KIF13A: variants seen among roughly 807,000 people sequenced by gnomAD.
KIF13A encodes the protein kinesin-like protein KIF13A.
A neutral mutation model predicts 212.2 loss-of-function variants in KIF13A; 79 were observed. The ratio of observed to expected loss-of-function variants is 0.37; its 90% CI spans 0.31 to 0.45. The LOEUF is 0.45. KIF13A is among the 20% of genes least tolerant of loss of function. The probability of loss-of-function intolerance (pLI) is 1.00; values close to 1 mark genes in which losing one functional copy is unlikely to be tolerated. For synonymous variants in KIF13A, 789 were observed against 808.6 expected, an observed-to-expected ratio of 0.98 and a Z score of 0.41; for missense variants, 1,901 against 2,209.0, an observed-to-expected ratio of 0.86 and a Z score of 2.79.
chr6:17,790,761 A>T (rs1049852365), intron 25 of KIF13A, among the ~76,000 whole-genome samples: 1 of 152,214 alleles, frequency 6.6e-6, no homozygotes, highest in Non-Finnish European at 1.5e-5. Context: ...GGGCAACCTC[A>T]GGCTATATAC....
chr6:17,855,856 G>A lies in KIF13A; in HGVS notation c.313+174C>T, dbSNP rs1030831106. Among the ~76,000 whole-genome samples the A allele has an allele frequency of 6.6e-6, 1 of 152,126 alleles. No homozygotes were observed. Among genetic ancestry groups the A allele is most frequent in the Non-Finnish European group, 1.5e-5 (1 of 68,028 alleles). ...AGTCTCCCAAGAAGCTGGGACTACA[G>A]GTGTGCCACCACGCTGGGCTAATGT... On this transcript the variant is annotated intron_variant, in intron 5 of 38. Coordinates refer to ENST00000259711, the MANE Select transcript of KIF13A (RefSeq NM_022113.6). The surrounding 1 kb of genome is among the most constrained non-coding windows in gnomAD (Gnocchi z 4.1).
chr6:17,925,239 A>G (rs1450279105), intron 2 of KIF13A, among the ~76,000 whole-genome samples: 1 of 152,238 alleles, frequency 6.6e-6, no homozygotes, highest in Non-Finnish European at 1.5e-5. Context: ...AAGTTAGAGC[A>G]AAGAGATTTG....
intron 2 of KIF13A, among the ~76,000 whole-genome samples, chr6:17,925,169 G>A (rs963924714): frequency 2.0e-5 from 3 of 152,186 alleles, no homozygotes; most frequent in Admixed American, 6.5e-5. Flanking sequence ...GAAACACTGA[G>A]GCAAGCGCAT....
chr6:17,836,831 C>T (rs778896845), intron 11 of KIF13A, 47 bp downstream of exon 11: 5 of 1,568,510 alleles, frequency 3.2e-6, no homozygotes, highest in Non-Finnish European at 4.4e-6. Context: ...AGTCAAATCC[C>T]GCAAGCCAGG....
rs141772729 is a variant in KIF13A, at chr6:17,975,524, A to G, written c.146+11530T>C. 3.0e-4 allele frequency among the ~76,000 whole-genome samples: 45 copies of G among 152,316 alleles called. 1 individual carries two copies. In the East Asian group the frequency reaches 8.1e-3, roughly 27 times the overall value. On this transcript the variant is annotated intron_variant, in intron 2 of 38. Transcript: ENST00000259711. ...GTAGGCCCAAAAAGGGAGCAGCAAC[A>G]TAATTCATTGCAAAGACCAAAAGAA...
At chr6:17,909,096 C>G (rs1188012941) in intron 2 of KIF13A, among the ~76,000 whole-genome samples, 1 of 152,202 alleles carries the variant, frequency 6.6e-6, no homozygotes, top group Non-Finnish European at 1.5e-5. Flanking sequence ...ATGTTAGATG[C>G]CATTGCTGTT....
chr6:17,766,315 C>T (rs1303107916), intron 38 of KIF13A, among the ~76,000 whole-genome samples: 2 of 151,236 alleles, frequency 1.3e-5, no homozygotes, highest in Admixed American at 6.6e-5. Context: ...TCTCGGCTCA[C>T]CGCAACCTCC....
intron 2 of KIF13A, among the ~76,000 whole-genome samples, chr6:17,905,874 T>G (rs1195595345): frequency 6.6e-6 from 1 of 152,166 alleles, no homozygotes; most frequent in East Asian, 1.9e-4. Context: ...AGGGATGAGG[T>G]TTTGCAGGAC....
In KIF13A at chr6:17,971,754, T is replaced by C. The variant is rs1340928200; in HGVS notation, c.146+15300A>G. Among the ~76,000 whole-genome samples, 1 of 152,166 alleles carries C rather than the reference T, an allele frequency of 6.6e-6. No individual in the cohort carries two copies. Among genetic ancestry groups the C allele is most frequent in the Admixed American group, 6.6e-5 (1 of 15,264 alleles). ...CTTGTTTTAGTGTGATTACTCGGCA[T>C]ATTTAAAAGAGGCTGGGAACTCTCT... On this transcript the variant is annotated intron_variant, in intron 2 of 38. Coordinates refer to ENST00000259711, the MANE Select transcript of KIF13A (RefSeq NM_022113.6). This position sits in a 1 kb window ranked among gnomAD's most constrained non-coding sequence, Gnocchi z 4.2.
At chr6:17,857,544 C>A (rs923873607) in intron 4 of KIF13A, among the ~76,000 whole-genome samples, 1 of 152,180 alleles carries the variant, frequency 6.6e-6, no homozygotes, top group African/African-American at 2.4e-5. Flanking sequence ...GTCAATTAAA[C>A]CTCCTTTCTT....
At chr6:17,766,599 G>C (rs759452414) in intron 38 of KIF13A, among the ~76,000 whole-genome samples, 9 of 151,918 alleles carry the variant, frequency 5.9e-5, no homozygotes, top group Non-Finnish European at 1.3e-4. Flanking sequence ...CTGTCACTCA[G>C]GTTGGTGTGC....
intron 6 of KIF13A, among the ~76,000 whole-genome samples, chr6:17,852,363 C>A (rs1285908808): frequency 6.6e-6 from 1 of 152,264 alleles, no homozygotes; most frequent in East Asian, 1.9e-4. Context: ...CATGCCAGAT[C>A]AAATCAACCT....
rs570906203 is a variant in KIF13A at position 17,776,157 on chromosome 6, C to T, written c.4171-1095G>A. On this transcript the variant is annotated intron_variant, in intron 34 of 38. Coordinates refer to ENST00000259711, the MANE Select transcript of KIF13A (RefSeq NM_022113.6). The surrounding 1 kb of genome is among the most constrained non-coding windows in gnomAD (Gnocchi z 4.6). Reference sequence around the variant, plus strand: ...CCTCCCAAAGTGCTGGGATTATAAGCGTGAGCCACCGTGCCCGATCTTCTT... The same window carrying T: ...CCTCCCAAAGTGCTGGGATTATAAGTGTGAGCCACCGTGCCCGATCTTCTT... Among the ~76,000 whole-genome samples, 148 of 152,302 alleles carry T rather than the reference C, an allele frequency of 9.7e-4. No individual in the cohort carries two copies. Among genetic ancestry groups the T allele is most frequent in the African/African-American group, 2.7e-3 (112 of 41,560 alleles).
In KIF13A at chr6:17,805,532, C is replaced by T. The variant is rs747452757; in HGVS notation, c.2247G>A (p.Glu749=). The T allele has an allele frequency of 5.0e-6, 8 of 1,613,662 alleles. No homozygotes were observed. The African/African-American group carries it at 6.7e-5, about 13-fold the overall frequency. The change falls in exon 19 of 39, where the codon GAG becomes GAA. Residue 749 remains glutamate (E), a synonymous_variant. Transcript: ENST00000259711. The stretch of plus-strand genomic sequence containing the variant: ...GGTCTCTCATGTCAATTAATTTATT[C>T]TCCAGCTTCTCAATGGTCCACACTT... ...STQVWTIEKL[E]NKLIDMRDLY...
At chr6:17,797,344 T>C (rs959987361) in intron 22 of KIF13A, among the ~76,000 whole-genome samples, 1 of 152,136 alleles carries the variant, frequency 6.6e-6, no homozygotes, top group Non-Finnish European at 1.5e-5. Flanking sequence ...CCGTTTCTTA[T>C]ATCAATAAAG....
chr6:17,882,283 G>A, intron 3 of KIF13A: 1 of 284,324 alleles, frequency 3.5e-6, no homozygotes, highest in Admixed American at 4.3e-5. Context: ...TATGTACTAG[G>A]CATGTTTGTA....
intron 2 of KIF13A, among the ~76,000 whole-genome samples, chr6:17,917,102 C>G (rs556452223): frequency 1.9e-4 from 29 of 152,122 alleles, no homozygotes; most frequent in African/African-American, 4.6e-4. Flanking sequence ...GTGTTGCTGT[C>G]CCCAAGATCA....
intron 2 of KIF13A, among the ~76,000 whole-genome samples, chr6:17,969,340 G>A (rs1283697418): frequency 6.6e-6 from 1 of 152,106 alleles, no homozygotes; most frequent in Non-Finnish European, 1.5e-5. Context: ...AGTTATTGGG[G>A]GCTGGCCCTT....
chr6:17,774,608 T>C (rs1342810251), intron 35 of KIF13A, among the ~76,000 whole-genome samples: 1 of 152,110 alleles, frequency 6.6e-6, no homozygotes, highest in East Asian at 1.9e-4. Flanking sequence ...ACTCCATCTC[T>C]ACTAAAAATA....
Sources: gnomAD v4.1 joint callset for allele counts (sites outside exome capture counted in the v4.1 genomes callset) on GRCh38, gnomAD v4.1.1 for gene constraint, Gnocchi (gnomAD v3.1) non-coding constraint, MANE v1.5 for transcripts, NCBI Gene and HGNC (gene_info 2026-07-23, HGNC 2026-07-21) for gene names.